PTPRN: variants seen among roughly 807,000 people sequenced by gnomAD.
PTPRN encodes the protein protein tyrosine phosphatase receptor type N.
In PTPRN, 70 loss-of-function variants were observed where a neutral mutation model predicts 108.5. The ratio of observed to expected loss-of-function variants is 0.65; its 90% CI spans 0.53 to 0.79. The LOEUF is 0.79. Among genes scored for constraint, PTPRN ranks in the 30% least tolerant of loss-of-function variants. The pLI is 0.00. For synonymous variants in PTPRN, 496 were observed against 524.6 expected (o/e 0.95, Z 0.75); for missense variants, 1,136 against 1,295.5 (o/e 0.88, Z 1.89).
At chr2:219,308,988 C>T (rs1429583056) in intron 1 of PTPRN, 1 of 1,517,734 alleles carries the variant, frequency 6.6e-7, no homozygotes, top group East Asian at 2.6e-5. Flanking sequence ...CTGCAATTTT[C>T]CCCAGAGCCC....
Position 219,302,675 on chromosome 2 carries a change from C to T in PTPRN, c.540G>A (p.Leu180=). Residue 180 remains leucine, a synonymous_variant, in exon 5 of 23, where the codon CTG becomes CTA. Coordinates refer to ENST00000295718, the MANE Select transcript of PTPRN (RefSeq NM_002846.4). Reference sequence around the variant, plus strand: ...GCAGGTGCTCCAAGAGAGGCGGGAGCAGCTCAGCCTGCAGAGGGGACAGAG... The same window carrying T: ...GCAGGTGCTCCAAGAGAGGCGGGAGTAGCTCAGCCTGCAGAGGGGACAGAG... ...SSSLSPLQAE[L]LPPLLEHLLL... The T allele has an allele frequency of 6.2e-7, 1 of 1,612,678 alleles. No individual in the cohort carries two copies. Among genetic ancestry groups the T allele is most frequent in the Non-Finnish European group, 8.5e-7 (1 of 1,179,778 alleles).
At chr2:219,298,230 G>T (rs1157165537) in intron 12 of PTPRN, 127 bp from the exon 13 acceptor site, 4 of 889,734 alleles carry the variant, frequency 4.5e-6, no homozygotes, top group Non-Finnish European at 6.9e-6. Flanking sequence ...GAGATTAGGG[G>T]TATGGTGGTA....
chr2:219,302,090 C>T, intron 6 of PTPRN, 47 bp downstream of exon 6: 1 of 1,491,800 alleles, frequency 6.7e-7, no homozygotes, highest in Non-Finnish European at 9.0e-7. Flanking sequence ...ACCATGGTTC[C>T]CCCAAAGCAG....
At chr2:219,294,827 G>C in intron 19 of PTPRN, 148 bp downstream of exon 19, 2 of 825,406 alleles carry the variant, frequency 2.4e-6, no homozygotes, top group Non-Finnish European at 3.4e-6. Flanking sequence ...CCTGCTTTTA[G>C]GGGTGGGAGC....
intron 2 of PTPRN, 99 bp from the exon 3 acceptor site, chr2:219,307,656 C>G: frequency 6.9e-7 from 1 of 1,443,232 alleles, no homozygotes; most frequent in Non-Finnish European, 9.7e-7. Context: ...TCTCCCCTAC[C>G]TCTCCTCCTC....
At position 219,299,382 on chromosome 2, in the gene PTPRN, A is replaced by T. The variant is rs772248077; in HGVS notation, c.1526T>A (p.Val509Glu). 5 of 1,614,164 alleles carry T rather than the reference A, an allele frequency of 3.1e-6. No individual in the cohort carries two copies. ...GCGGAAGGTGAGGGCTGGTCCCACC[A>T]CACTGCCAGATAGGAGCTATGTTAC... ...MSSGSFINIS[V>E]VGPALTFRIR... The change falls in exon 11 of 23, where the codon GTG becomes GAG. Residue 509 changes from valine to glutamate, a missense_variant and splice_region_variant. Transcript: ENST00000295718.
At chr2:219,303,588 C>T (rs1952410840) in intron 4 of PTPRN, 147 bp downstream of exon 4, 1 of 745,740 alleles carries the variant, frequency 1.3e-6, no homozygotes, top group East Asian at 2.7e-5. Context: ...GTGAGCATGT[C>T]AGAGAGTGAC....
At chr2:219,307,279 T>C in intron 3 of PTPRN, 165 bp downstream of exon 3, 1 of 607,104 alleles carries the variant, frequency 1.6e-6, no homozygotes, top group Non-Finnish European at 2.9e-6. Context: ...AGAGTCCAAA[T>C]GTGAATAGCC....
intron 19 of PTPRN, chr2:219,294,094 T>C (rs1258294076): frequency 5.7e-6 from 3 of 529,096 alleles, no homozygotes; most frequent in Non-Finnish European, 1.2e-5. Flanking sequence ...CCACATGTCC[T>C]GTCTGTCCAT....
rs1952412527 is a variant in PTPRN at position 219,303,638 on chromosome 2, C to T, written c.377+97G>A. 8 of 1,175,720 alleles carry T rather than the reference C, an allele frequency of 6.8e-6. No homozygotes were observed. In the Admixed American group the frequency reaches 1.5e-4, roughly 23 times the overall value. 72.8% of individuals were successfully genotyped at this position (1,175,720 alleles called of 1,614,324 possible). A position where few individuals can be genotyped will look rare whatever the true frequency, so the allele number is the denominator to read the frequency against. On this transcript the variant is annotated intron_variant, in intron 4 of 22. Coordinates refer to ENST00000295718, the MANE Select transcript of PTPRN (RefSeq NM_002846.4). Reference sequence around the variant, plus strand: ...TTTACCTGTGCCCCAGCATGCTGGCCTTGGTGCCCACTTCCTTCCCCTTCT... The same window carrying T: ...TTTACCTGTGCCCCAGCATGCTGGCTTTGGTGCCCACTTCCTTCCCCTTCT...
rs774232255 is a variant in PTPRN, at chr2:219,295,115, C to G, written c.2535G>C (p.Trp845Cys). Residue 845 changes from tryptophan (W) to cysteine (C), a missense_variant, in exon 19 of 23, where the codon TGG becomes TGC. Trp to Cys is a radical substitution (Grantham distance 215). Transcript: ENST00000295718. ...AGCTCCGCACCAGAAAGTCCTCGCA[C>G]CAGATGTGCTCCGACACCAGGTTCA... ...YEVNLVSEHI[W>C]CEDFLVRSFY... The G allele has an allele frequency of 2.5e-6, 4 of 1,612,598 alleles. No homozygotes were observed. The highest frequency in any genetic ancestry group is 3.4e-6 in the Non-Finnish European group (4 of 1,179,258).
At chr2:219,307,230 A>G in intron 3 of PTPRN, 1 of 474,574 alleles carries the variant, frequency 2.1e-6, no homozygotes, top group Non-Finnish European at 3.7e-6. Context: ...GGCCTTTTCC[A>G]GTGACTTCTT....
At position 219,290,150 on chromosome 2, in the gene PTPRN, G is replaced by T; in HGVS notation, c.*76C>A. 7.4e-7 allele frequency: 1 copy of T among 1,351,480 alleles called. No individual in the cohort carries two copies. The highest frequency in any genetic ancestry group is 1.1e-6 in the Non-Finnish European group (1 of 944,166). 83.7% of individuals were successfully genotyped at this position (1,351,480 alleles called of 1,614,324 possible). ...CAAGAGGTGGCTGGTGGGGCAGTGA[G>T]GAGTGGGTACACAGAGATGCTCACA... On this transcript the variant is annotated 3_prime_UTR_variant, in exon 23 of 23. Coordinates refer to ENST00000295718, the MANE Select transcript of PTPRN (RefSeq NM_002846.4). This position sits in a 1 kb window ranked among gnomAD's most constrained non-coding sequence, Gnocchi z 4.2.
intron 1 of PTPRN, among the ~76,000 whole-genome samples, chr2:219,308,675 C>A (rs1427592286): frequency 1.3e-5 from 2 of 152,086 alleles, no homozygotes; most frequent in African/African-American, 4.8e-5. Flanking sequence ...CCTCTTCATC[C>A]TCTTCTGCCC....
chr2:219,302,885 A>G, intron 4 of PTPRN, 48 bp from the exon 5 acceptor site: 1 of 1,586,898 alleles, frequency 6.3e-7, no homozygotes, highest in Non-Finnish European at 8.6e-7. Context: ...GAAAGGGCAT[A>G]GAGAGCCTGC....
Position 219,290,131 on chromosome 2 carries a change from G to A in PTPRN, c.*95C>T. ...AGGAAGGGCTGAGCATGCCCAAGAG[G>A]TGGCTGGTGGGGCAGTGAGGAGTGG... On this transcript the variant is annotated 3_prime_UTR_variant, in exon 23 of 23. Coordinates refer to ENST00000295718, the MANE Select transcript of PTPRN (RefSeq NM_002846.4). The surrounding 1 kb of genome is among the most constrained non-coding windows in gnomAD (Gnocchi z 4.2). The A allele has an allele frequency of 8.5e-7, 1 of 1,179,610 alleles. No homozygotes were observed. The highest frequency in any genetic ancestry group is 1.3e-5 in the South Asian group (1 of 78,306). The allele number at this position is 1,179,610 out of a possible 1,614,324, so 73.1% of individuals were successfully genotyped here. A position where few individuals can be genotyped will look rare whatever the true frequency, so the allele number is the denominator to read the frequency against.
rs1024048106 is a variant in PTPRN, at chr2:219,309,222, G to A, written c.111C>T (p.Ala37=). 5 of 1,534,360 alleles carry A rather than the reference G, an allele frequency of 3.3e-6. No individual in the cohort carries two copies. Among genetic ancestry groups the A allele is most frequent in the African/African-American group, 2.8e-5 (2 of 72,038 alleles). Residue 37 remains alanine (A), a synonymous_variant, in exon 1 of 23, where the codon GCC becomes GCT. Coordinates refer to ENST00000295718, the MANE Select transcript of PTPRN (RefSeq NM_002846.4). ...SRPGGCSAVS[A]HGCLFDRRLC... is the part of the protein sequence containing the mutation. Reference sequence around the variant, plus strand: ...CAGCCCAAGTTTCCTCCTGACCGTGGGCACTAACGGCGCTGCAGCCCCCCG... The same window carrying A: ...CAGCCCAAGTTTCCTCCTGACCGTGAGCACTAACGGCGCTGCAGCCCCCCG...
chr2:219,303,535 T>C lies in PTPRN; in HGVS notation c.377+200A>G, dbSNP rs115539110. Among the ~76,000 whole-genome samples the C allele has an allele frequency of 5.5e-3, 843 of 152,306 alleles. 3 individuals are homozygous for C. Among genetic ancestry groups the C allele is most frequent in the African/African-American group, 0.019 (799 of 41,554 alleles). Reference sequence around the variant, plus strand: ...TTTCAAAACATTCAAAAAATGCCCGTTTTTCTGGATCCCTAGAGATGAGCT... The same window carrying C: ...TTTCAAAACATTCAAAAAATGCCCGCTTTTCTGGATCCCTAGAGATGAGCT... On this transcript the variant is annotated intron_variant, in intron 4 of 22. Transcript: ENST00000295718.
intron 3 of PTPRN, among the ~76,000 whole-genome samples, chr2:219,304,591 T>C (rs1361621769): frequency 1.3e-5 from 2 of 152,204 alleles, no homozygotes; most frequent in Non-Finnish European, 2.9e-5. Context: ...GGATTTAAAA[T>C]CTGTGCTGCT....
Sources: allele counts gnomAD v4.1 joint callset (sites outside exome capture counted in the v4.1 genomes callset), GRCh38; gene constraint gnomAD v4.1.1; non-coding constraint Gnocchi (gnomAD v3.1); transcripts MANE v1.5; gene names NCBI Gene and HGNC (gene_info 2026-07-23, HGNC 2026-07-21).